TSBP1: variants seen among roughly 807,000 people sequenced by gnomAD.
The protein encoded by TSBP1 is testis expressed basic protein 1.
In TSBP1, 56 loss-of-function variants were observed where a neutral mutation model predicts 68.8. The observed-to-expected ratio is 0.81, with a 90% CI of 0.66 to 1.02. TSBP1 has a LOEUF of 1.02. Ranked by LOEUF, TSBP1 falls within the 50% of genes least tolerant of loss-of-function variation. TSBP1 has a pLI of 0.00. For synonymous variants in TSBP1, 171 were observed against 208.7 expected, an observed-to-expected ratio of 0.82 and a Z score of 1.56; for missense variants, 502 against 641.2, an observed-to-expected ratio of 0.78 and a Z score of 2.34.
chr6:32,349,739 C>T lies in TSBP1; in HGVS notation c.349+1G>A. ...AATTGAAGAAAAGTAAAGGAACTTACCAATACTTGATCGAGACAGTGCTAA... is the reference window on the plus strand; with the variant it reads ...AATTGAAGAAAAGTAAAGGAACTTATCAATACTTGATCGAGACAGTGCTAA... On this transcript the variant is annotated splice_donor_variant, in intron 9 of 22. Coordinates refer to ENST00000612031, the Ensembl canonical transcript of TSBP1. LOFTEE classifies it high-confidence loss of function. The T allele has an allele frequency of 1.3e-6, 2 of 1,572,996 alleles. No individual in the cohort carries two copies. Among genetic ancestry groups the T allele is most frequent in the East Asian group, 4.5e-5 (2 of 44,660 alleles).
chr6:32,324,440 T>A (rs1307256606), intron 16 of TSBP1: 1 of 724,240 alleles, frequency 1.4e-6, no homozygotes, highest in South Asian at 1.5e-5. Context: ...TTGCAGTGAC[T>A]GGTAACTGCT....
At chr6:32,324,437 G>A in intron 16 of TSBP1, 1 of 716,642 alleles carries the variant, frequency 1.4e-6, no homozygotes, top group Non-Finnish European at 2.5e-6. Flanking sequence ...TTTTTGCAGT[G>A]ACTGGTAACT....
intron 6 of TSBP1, among the ~76,000 whole-genome samples, chr6:32,358,863 C>G (rs781509652): frequency 6.6e-6 from 1 of 151,680 alleles, no homozygotes; most frequent in African/African-American, 2.4e-5. Flanking sequence ...TGAATAGTGC[C>G]GCAATAAACA....
At position 32,301,962 on chromosome 6, in the gene TSBP1, CATCATCATAATAATA is replaced by C. The variant is rs901516727; in HGVS notation, c.601+632_601+646del. ...TTTTACATATTTAAATAGTTGAAAT[CATCATCATAATAATA>C]ATAATAATAATAATAATATTTTGTG... On this transcript the variant is annotated intron_variant, in intron 20 of 22. Transcript: ENST00000612031. Among the ~76,000 whole-genome samples the C allele has an allele frequency of 1.2e-4, 16 of 135,454 alleles. 1 individual carries two copies. Among genetic ancestry groups the C allele is most frequent in the Non-Finnish European group, 2.0e-4 (13 of 64,182 alleles). 88.9% of individuals were successfully genotyped at this position (135,454 alleles called of 152,430 possible).
rs1324646037 is a variant in TSBP1 at position 32,314,158 on chromosome 6, C to G, written c.580+1614G>C. Among the ~76,000 whole-genome samples, 1 of 152,174 alleles carries G rather than the reference C, an allele frequency of 6.6e-6. No individual in the cohort carries two copies. Among genetic ancestry groups the G allele is most frequent in the Non-Finnish European group, 1.5e-5 (1 of 68,024 alleles). Reference sequence around the variant, plus strand: ...CTTGGAAATCACTCTTACCCTCCTTCTTTATGCTTAGGTATGACTGTGCAT... The same window carrying G: ...CTTGGAAATCACTCTTACCCTCCTTGTTTATGCTTAGGTATGACTGTGCAT... On this transcript the variant is annotated intron_variant, in intron 19 of 22. Transcript: ENST00000612031. The surrounding 1 kb of genome is among the most constrained non-coding windows in gnomAD (Gnocchi z 4.2).
intron 19 of TSBP1, among the ~76,000 whole-genome samples, chr6:32,308,405 CG>C (rs958872643): frequency 2.0e-5 from 3 of 150,488 alleles, no homozygotes; most frequent in Non-Finnish European, 4.4e-5. Context: ...GAGACCATCC[CG>C]GCTAAAACGG....
rs953489980 is a variant in TSBP1 at position 32,333,415 on chromosome 6, C to T, written c.473-1361G>A. On this transcript the variant is annotated intron_variant, in intron 14 of 22. Coordinates refer to ENST00000612031, the Ensembl canonical transcript of TSBP1. The surrounding 1 kb of genome is among the most constrained non-coding windows in gnomAD (Gnocchi z 4.2). Reference sequence around the variant, plus strand: ...TAAGAAGCCATAACTTTGGGCTTCCCTGAGTGTAGTGACCCATGTATTTGG... The same window carrying T: ...TAAGAAGCCATAACTTTGGGCTTCCTTGAGTGTAGTGACCCATGTATTTGG... Among the ~76,000 whole-genome samples, 1 of 152,170 alleles carries T rather than the reference C, an allele frequency of 6.6e-6. No homozygotes were observed. The highest frequency in any genetic ancestry group is 1.5e-5 in the Non-Finnish European group (1 of 68,032).
chr6:32,309,425 ATTCT>A (rs1173813014), intron 19 of TSBP1, among the ~76,000 whole-genome samples: 1 of 151,894 alleles, frequency 6.6e-6, no homozygotes, highest in Non-Finnish European at 1.5e-5. Flanking sequence ...CCCTTTGATA[ATTCT>A]TTCACTGGGG....
intron 6 of TSBP1, chr6:32,356,763 T>G (rs1772392654): frequency 6.5e-6 from 1 of 154,186 alleles, no homozygotes; most frequent in Non-Finnish European, 1.5e-5. Context: ...TTAATAGAGT[T>G]GCCACAAAAA....
intron 3 of TSBP1, among the ~76,000 whole-genome samples, chr6:32,368,445 T>G (rs1562202965): frequency 1.3e-5 from 2 of 152,230 alleles, no homozygotes. Flanking sequence ...TCTTCATGAA[T>G]GGATTTAGGC....
chr6:32,309,434 C>T (rs9268192), intron 19 of TSBP1, among the ~76,000 whole-genome samples: 31,987 of 151,942 alleles, frequency 0.21, 3,552 homozygotes, highest in East Asian at 0.22. Context: ...AATTCTTTCA[C>T]TGGGGACCTG....
At chr6:32,366,431 GA>G (rs751895876) in intron 4 of TSBP1, 129 bp from the exon 5 acceptor site, 22 of 930,876 alleles carry the variant, frequency 2.4e-5, no homozygotes, top group East Asian at 9.9e-5. Context: ...TTTTAGGAAA[GA>G]AAAAAACATA....
chr6:32,300,800 T>C, intron 20 of TSBP1, 100 bp from the exon 24 acceptor site: 1 of 933,860 alleles, frequency 1.1e-6, no homozygotes, highest in Non-Finnish European at 1.7e-6. Context: ...CATTAACAAC[T>C]AAATTTCATT....
At chr6:32,294,980 T>C (rs760934908) in intron 22 of TSBP1, among the ~76,000 whole-genome samples, 2 of 152,070 alleles carry the variant, frequency 1.3e-5, no homozygotes, top group Non-Finnish European at 2.9e-5. Context: ...ATGTCTTGCT[T>C]TGAGAAAATC....
rs185404479 is a variant in TSBP1, at chr6:32,337,697, C to G, written c.410-1062G>C. On this transcript the variant is annotated intron_variant, in intron 11 of 22. Coordinates refer to ENST00000612031, the Ensembl canonical transcript of TSBP1. This position sits in a 1 kb window ranked among gnomAD's most constrained non-coding sequence, Gnocchi z 5.5. ...ACACATACACATACACACACACACA[C>G]CCCACCACACCTCTCTACACCTCAT... 6.6e-6 allele frequency among the ~76,000 whole-genome samples: 1 copy of G among 152,032 alleles called. No homozygotes were observed. The highest frequency in any genetic ancestry group is 6.6e-5 in the Admixed American group (1 of 15,256).
exon 23 of TSBP1, chr6:32,294,008 T>C: frequency 6.2e-7 from 1 of 1,611,160 alleles, no homozygotes. Flanking sequence ...TTTTGCAAGT[T>C]CTTCATCCAT....
Position 32,300,556 on chromosome 6 carries a change from A to T in TSBP1, c.622+124T>A, listed in dbSNP as rs1197074043. 1.9e-5 allele frequency: 15 copies of T among 792,340 alleles called. No homozygotes were observed. In the Admixed American group the frequency reaches 3.0e-4, roughly 16 times the overall value. The allele number at this position is 792,340 out of a possible 1,614,324, so 49.1% of individuals were successfully genotyped here. ...ATTAAAATTGAAATATGAGGAAATC[A>T]CTTATTGAAGAAATATTGACTGCTG... On this transcript the variant is annotated intron_variant, in intron 21 of 22. Transcript: ENST00000612031.
At chr6:32,354,317 G>A (rs977579612) in intron 8 of TSBP1, among the ~76,000 whole-genome samples, 13 of 152,006 alleles carry the variant, frequency 8.6e-5, no homozygotes, top group Non-Finnish European at 1.9e-4. Flanking sequence ...TAGCTAGTAA[G>A]CCTATGAGAA....
In TSBP1 at chr6:32,358,910, T is replaced by TTTATTATTATTA. The variant is rs9281749; in HGVS notation, c.218-3253_218-3242dup. On this transcript the variant is annotated intron_variant, in intron 6 of 22. Coordinates refer to ENST00000612031, the Ensembl canonical transcript of TSBP1. Reference sequence around the variant, plus strand: ...GTGTCTTTATAGCAGCATGATTTGTTTTATTATTATTATTATTATTATTAT... The same window carrying TTTATTATTATTA: ...GTGTCTTTATAGCAGCATGATTTGTTTTATTATTATTATTATTATTATTATTATTATTATTAT... Among the ~76,000 whole-genome samples, 507 of 148,100 alleles carry TTTATTATTATTA rather than the reference T, an allele frequency of 3.4e-3. 1 individual carries two copies. Among genetic ancestry groups the TTTATTATTATTA allele is most frequent in the East Asian group, 7.4e-3 (37 of 4,994 alleles).
Sources: allele counts gnomAD v4.1 joint callset (sites outside exome capture counted in the v4.1 genomes callset), GRCh38; gene constraint gnomAD v4.1.1; non-coding constraint Gnocchi (gnomAD v3.1); transcripts MANE v1.5; gene names NCBI Gene and HGNC (gene_info 2026-07-23, HGNC 2026-07-21).